The following SPTLC2 variants were observed in gnomAD, a reference collection of about 807,000 sequenced individuals.
The protein encoded by SPTLC2 is serine palmitoyltransferase 2.
In SPTLC2, 21 loss-of-function variants were observed where a neutral mutation model predicts 62.0. The ratio of observed to expected loss-of-function variants is 0.34; its 90% CI spans 0.24 to 0.49. The LOEUF (loss-of-function observed/expected upper bound fraction) is 0.49. Among genes scored for constraint, SPTLC2 ranks in the 20% least tolerant of loss-of-function variants. SPTLC2 has a pLI of 0.99. For missense variants in SPTLC2, 511 were observed against 713.0 expected (o/e 0.72, Z 3.23); for synonymous variants, 261 against 261.8 (o/e 1.00, Z 0.03).
intron 4 of SPTLC2, 82 bp downstream of exon 4, chr14:77,576,684 AC>A: frequency 1.9e-6 from 3 of 1,574,682 alleles, no homozygotes; most frequent in Non-Finnish European, 2.6e-6. Flanking sequence ...GATATTTAAT[AC>A]TCTAGGTCAA....
intron 9 of SPTLC2, among the ~76,000 whole-genome samples, chr14:77,527,854 T>C (rs566231701): frequency 3.9e-5 from 6 of 152,348 alleles, no homozygotes; most frequent in South Asian, 2.1e-4. Flanking sequence ...CTTCAAAGAA[T>C]AGAGCATGCA....
intron 1 of SPTLC2, among the ~76,000 whole-genome samples, chr14:77,597,878 C>G (rs138901059): frequency 0.031 from 4,703 of 150,822 alleles, 114 homozygotes; most frequent in Non-Finnish European, 0.049. Context: ...AATCCCAGCA[C>G]TTTGGGAGGC....
At chr14:77,516,322 T>C (rs886106738) in intron 11 of SPTLC2, among the ~76,000 whole-genome samples, 7 of 152,178 alleles carry the variant, frequency 4.6e-5, no homozygotes, top group Non-Finnish European at 1.0e-4. Flanking sequence ...TAAGGAGATA[T>C]CCTGGTTACA....
chr14:77,592,085 A>G (rs889586915), intron 2 of SPTLC2, among the ~76,000 whole-genome samples: 7 of 151,732 alleles, frequency 4.6e-5, no homozygotes, highest in Admixed American at 4.6e-4. Flanking sequence ...CCAAACAATC[A>G]ATCCCCTAGC....
intron 8 of SPTLC2, 39 bp downstream of exon 8, chr14:77,555,261 G>A (rs1211600700): frequency 4.3e-6 from 7 of 1,611,802 alleles, no homozygotes; most frequent in Non-Finnish European, 5.9e-6. Context: ...AATTGCCAGT[G>A]ACTTTATCTC....
At chr14:77,549,594 C>T (rs1424068554) in intron 9 of SPTLC2, among the ~76,000 whole-genome samples, 1 of 152,208 alleles carries the variant, frequency 6.6e-6, no homozygotes, top group Non-Finnish European at 1.5e-5. Context: ...ACACTTGAGT[C>T]TTCCAGGCCA....
intron 9 of SPTLC2, among the ~76,000 whole-genome samples, chr14:77,522,783 CATAT>C (rs2079391013): frequency 6.6e-6 from 1 of 152,186 alleles, no homozygotes; most frequent in Non-Finnish European, 1.5e-5. Context: ...CAGTAATTTT[CATAT>C]ATAGATTATA....
intron 6 of SPTLC2, among the ~76,000 whole-genome samples, chr14:77,560,031 T>TA (rs567846203): frequency 8.7e-4 from 133 of 152,210 alleles, no homozygotes; most frequent in Non-Finnish European, 1.4e-3. Flanking sequence ...CAAGTAGAGT[T>TA]AAAAAAACAG....
chr14:77,536,582 T>C (rs1276573843), intron 9 of SPTLC2, among the ~76,000 whole-genome samples: 1 of 152,204 alleles, frequency 6.6e-6, no homozygotes, highest in African/African-American at 2.4e-5. Flanking sequence ...CCATTAGCAA[T>C]ACCCCTTTTC....
intron 2 of SPTLC2, among the ~76,000 whole-genome samples, chr14:77,591,785 G>A (rs545808513): frequency 6.6e-6 from 1 of 151,592 alleles, no homozygotes; most frequent in African/African-American, 2.4e-5. Context: ...GTGCAATGGT[G>A]TGATCTTGGC....
chr14:77,561,673 C>A (rs2079615879), intron 6 of SPTLC2, among the ~76,000 whole-genome samples: 1 of 151,584 alleles, frequency 6.6e-6, no homozygotes. Flanking sequence ...TCATTTCTCA[C>A]TGTAAAACAT....
chr14:77,605,033 G>A (rs921695396), intron 1 of SPTLC2, among the ~76,000 whole-genome samples: 1 of 152,118 alleles, frequency 6.6e-6, no homozygotes, highest in Admixed American at 6.5e-5. Context: ...TAAAGAGACA[G>A]GGTCTCACTC....
intron 9 of SPTLC2, among the ~76,000 whole-genome samples, chr14:77,544,986 G>A (rs900581855): frequency 4.6e-5 from 7 of 152,098 alleles, no homozygotes; most frequent in Non-Finnish European, 1.0e-4. Context: ...ATTGGAGTCA[G>A]ACTGCAGCCC....
rs549648401 is a variant in SPTLC2 at position 77,574,139 on chromosome 14, T to A, written c.631+2628A>T. Among the ~76,000 whole-genome samples, 3 of 152,276 alleles carry A rather than the reference T, an allele frequency of 2.0e-5. No individual in the cohort carries two copies. The East Asian group carries it at 5.8e-4, about 29-fold the overall frequency. ...AGACATTTTTGTTGTTTTAAGTCAC[T>A]CTGTTCTGATATTTTGTTACAGCAG... On this transcript the variant is annotated intron_variant, in intron 4 of 11. Transcript: ENST00000216484.
At chr14:77,586,033 AT>A (rs1424576465) in intron 2 of SPTLC2, among the ~76,000 whole-genome samples, 2 of 151,828 alleles carry the variant, frequency 1.3e-5, no homozygotes, top group African/African-American at 4.8e-5. Context: ...TCAAAGGTAC[AT>A]GTAGACTTTG....
rs1407394634 is a variant in SPTLC2, at chr14:77,509,612, T to C, written c.*2672A>G. 3 of 321,506 alleles carry C rather than the reference T, an allele frequency of 9.3e-6. No homozygotes were observed. Among genetic ancestry groups the C allele is most frequent in the African/African-American group, 2.1e-5 (1 of 47,094 alleles). 19.9% of individuals were successfully genotyped at this position (321,506 alleles called of 1,614,324 possible). On this transcript the variant is annotated 3_prime_UTR_variant, in exon 12 of 12. Transcript: ENST00000216484. ...TAAACTGTGTAAGAAACTACTCTTG[T>C]ATGCCTCAAATCGACTTATTCTCAA...
intron 7 of SPTLC2, 124 bp from the exon 8 acceptor site, chr14:77,555,643 T>C: frequency 1.0e-6 from 1 of 970,312 alleles, no homozygotes; most frequent in Non-Finnish European, 1.6e-6. Flanking sequence ...TGGGACAGAG[T>C]TTTGCTCCAT....
chr14:77,529,162 C>A (rs369345989), intron 9 of SPTLC2, among the ~76,000 whole-genome samples: 120 of 151,808 alleles, frequency 7.9e-4, no homozygotes, highest in Non-Finnish European at 1.5e-3. Flanking sequence ...TGGAAGTACA[C>A]CTTTTCTCAT....
intron 9 of SPTLC2, among the ~76,000 whole-genome samples, chr14:77,532,704 A>C (rs1027853130): frequency 6.6e-6 from 1 of 152,050 alleles, no homozygotes; most frequent in East Asian, 1.9e-4. Flanking sequence ...GAATGGTGTG[A>C]ACCCAGGAGG....
Sources: allele counts gnomAD v4.1 joint callset (sites outside exome capture counted in the v4.1 genomes callset), GRCh38; gene constraint gnomAD v4.1.1; transcripts MANE v1.5; gene names NCBI Gene and HGNC (gene_info 2026-07-23, HGNC 2026-07-21).